The following GUCY2C variants were observed in gnomAD, a reference collection of about 807,000 sequenced individuals.
GUCY2C encodes the protein guanylate cyclase 2C.
A neutral mutation model predicts 131.1 loss-of-function variants in GUCY2C; 118 were observed. The ratio of observed to expected loss-of-function variants is 0.90; its 90% CI spans 0.78 to 1.05. GUCY2C has a LOEUF of 1.05. Ranked by LOEUF, GUCY2C falls within the 50% of genes least tolerant of loss-of-function variation. GUCY2C has a pLI of 0.00. For synonymous variants in GUCY2C, 452 were observed against 457.8 expected, an observed-to-expected ratio of 0.99 and a Z score of 0.16; for missense variants, 1,161 against 1,304.4, an observed-to-expected ratio of 0.89 and a Z score of 1.69.
intron 19 of GUCY2C, among the ~76,000 whole-genome samples, chr12:14,637,674 A>G (rs901823586): frequency 5.3e-5 from 8 of 152,166 alleles, no homozygotes; most frequent in Non-Finnish European, 7.4e-5. Context: ...GGCTCCAAGA[A>G]CATACAATGG....
At chr12:14,621,430 A>C (rs1037548964) in intron 22 of GUCY2C, among the ~76,000 whole-genome samples, 2 of 152,214 alleles carry the variant, frequency 1.3e-5, no homozygotes, top group Non-Finnish European at 2.9e-5. Context: ...ATAGCTATAA[A>C]GGAATTTAGC....
intron 7 of GUCY2C, among the ~76,000 whole-genome samples, chr12:14,675,708 A>G (rs1432005337): frequency 6.6e-6 from 1 of 152,190 alleles, no homozygotes; most frequent in African/African-American, 2.4e-5. Flanking sequence ...GGGCTGAGTG[A>G]TGAATTAAAA....
intron 10 of GUCY2C, among the ~76,000 whole-genome samples, chr12:14,662,469 G>A (rs1003189093): frequency 1.3e-5 from 2 of 152,082 alleles, no homozygotes; most frequent in Admixed American, 6.5e-5. Context: ...GAGGTCAGGA[G>A]ATCAAGACCA....
rs1947356728 is a variant in GUCY2C at position 14,639,849 on chromosome 12, A to C, written c.2157+13T>G. 5.5e-6 allele frequency: 8 copies of C among 1,459,224 alleles called. No individual in the cohort carries two copies. The highest frequency in any genetic ancestry group is 1.4e-5 in the African/African-American group (1 of 71,892). The allele number at this position is 1,459,224 out of a possible 1,614,324, so 90.4% of individuals were successfully genotyped here. ...AGCAGGCCAAGGAAATGAATACGGGAAGATATACTCACTTCTAGCTCTTTT... is the reference window on the plus strand; with the variant it reads ...AGCAGGCCAAGGAAATGAATACGGGCAGATATACTCACTTCTAGCTCTTTT... On this transcript the variant is annotated intron_variant, in intron 19 of 26. Coordinates refer to ENST00000261170, the MANE Select transcript of GUCY2C (RefSeq NM_004963.4).
At chr12:14,632,351 A>G (rs1270244483) in intron 19 of GUCY2C, among the ~76,000 whole-genome samples, 1 of 152,140 alleles carries the variant, frequency 6.6e-6, no homozygotes, top group Non-Finnish European at 1.5e-5. Context: ...TAGGGTTTTT[A>G]TGGTTTTAGG....
chr12:14,623,719 C>A (rs990010341), intron 21 of GUCY2C, among the ~76,000 whole-genome samples: 1 of 152,050 alleles, frequency 6.6e-6, no homozygotes, highest in South Asian at 2.1e-4. Context: ...GCAGATTTCC[C>A]CATTGCTGTT....
intron 15 of GUCY2C, among the ~76,000 whole-genome samples, chr12:14,648,151 G>C (rs1027658835): frequency 6.6e-6 from 1 of 151,670 alleles, no homozygotes; most frequent in Non-Finnish European, 1.5e-5. Flanking sequence ...TATTAGAGAC[G>C]GGGTTTCACT....
At chr12:14,693,890 T>A (rs1318476485) in intron 1 of GUCY2C, among the ~76,000 whole-genome samples, 6 of 152,248 alleles carry the variant, frequency 3.9e-5, no homozygotes, top group Non-Finnish European at 8.8e-5. Flanking sequence ...GGACCAAGGC[T>A]CTAACTAACA....
In GUCY2C at chr12:14,625,866, G is replaced by A. The variant is rs1327537007; in HGVS notation, c.2299C>T (p.Arg767Cys). 3 of 1,613,442 alleles carry A rather than the reference G, an allele frequency of 1.9e-6. No homozygotes were observed. The highest frequency in any genetic ancestry group is 1.7e-5 in the Admixed American group (1 of 60,004). ...NESYMDTLIRRLQLYSRNLEH... is the reference protein window; with the variant it reads ...NESYMDTLIRCLQLYSRNLEH... ...AGGTTTCGAGAATATAGCTGTAGAC[G>A]TCGGATCAAGGTATCCATATAGCTT... is the stretch of plus-strand genomic sequence containing the variant. Residue 767 changes from arginine (R) to cysteine (C), a missense_variant, in exon 21 of 27, where the codon CGT becomes TGT. Transcript: ENST00000261170.
intron 19 of GUCY2C, among the ~76,000 whole-genome samples, chr12:14,631,186 C>A (rs1298866171): frequency 1.3e-5 from 2 of 152,080 alleles, no homozygotes; most frequent in East Asian, 1.9e-4. Context: ...CCACAAGGAA[C>A]AAAAGATGTT....
chr12:14,678,603 G>C (rs1948286687), intron 6 of GUCY2C, among the ~76,000 whole-genome samples: 2 of 152,160 alleles, frequency 1.3e-5, no homozygotes, highest in South Asian at 4.1e-4. Context: ...CATCAAACAG[G>C]CCTGCAGTTC....
At chr12:14,617,027 C>T (rs1043752819) in intron 24 of GUCY2C, among the ~76,000 whole-genome samples, 1 of 152,076 alleles carries the variant, frequency 6.6e-6, no homozygotes, top group Non-Finnish European at 1.5e-5. Flanking sequence ...GCTGTCTTTG[C>T]GATACTGAGT....
intron 1 of GUCY2C, 72 bp from the exon 2 acceptor site, chr12:14,688,135 G>T: frequency 1.0e-6 from 1 of 955,378 alleles, no homozygotes. Context: ...CCATGAGATT[G>T]ATTCTGGGAA....
intron 19 of GUCY2C, among the ~76,000 whole-genome samples, chr12:14,635,783 A>AT (rs1437789676): frequency 1.2e-4 from 19 of 152,326 alleles, no homozygotes; most frequent in Middle Eastern, 3.4e-3. Flanking sequence ...ATAAAAACCA[A>AT]TTGCACAAAA....
At chr12:14,627,622 T>C (rs1195010872) in intron 20 of GUCY2C, among the ~76,000 whole-genome samples, 1 of 152,186 alleles carries the variant, frequency 6.6e-6, no homozygotes, top group East Asian at 1.9e-4. Flanking sequence ...AGTATCAGTA[T>C]TTTTAAAGTT....
chr12:14,674,689 A>G lies in GUCY2C; in HGVS notation c.1020T>C (p.Leu340=). The change falls in exon 8 of 27, where the codon CTT becomes CTC. Residue 340 remains leucine, a synonymous_variant. Coordinates refer to ENST00000261170, the MANE Select transcript of GUCY2C (RefSeq NM_004963.4). ...GGGTGGTAATATTTTCTCCATTTTC[A>G]AGAAATATCTTCAGCATATGTCCAA... is the stretch of plus-strand genomic sequence containing the variant. ...LLFGHMLKIF[L]ENGENITTPK... 1 of 1,612,484 alleles carries G rather than the reference A, an allele frequency of 6.2e-7. No individual in the cohort carries two copies. The highest frequency in any genetic ancestry group is 8.5e-7 in the Non-Finnish European group (1 of 1,178,668).
At chr12:14,684,088 GTCAA>G (rs980301167) in intron 3 of GUCY2C, among the ~76,000 whole-genome samples, 13 of 152,048 alleles carry the variant, frequency 8.5e-5, no homozygotes, top group Middle Eastern at 3.4e-3. Flanking sequence ...ATACACTGTG[GTCAA>G]TCATTCTTCT....
At chr12:14,634,429 GA>G (rs1947217713) in intron 19 of GUCY2C, among the ~76,000 whole-genome samples, 1 of 152,126 alleles carries the variant, frequency 6.6e-6, no homozygotes, top group Non-Finnish European at 1.5e-5. Context: ...CTACCACCAT[GA>G]AAACACATGA....
chr12:14,614,952 A>C lies in GUCY2C; in HGVS notation c.2971-9T>G. On this transcript the variant is annotated splice_polypyrimidine_tract_variant and intron_variant, in intron 25 of 26. Coordinates refer to ENST00000261170, the MANE Select transcript of GUCY2C (RefSeq NM_004963.4). ...GTCTCATTTCCTCTTCCCTGGTAAGACAAAAGAGTTACGTACCACGGAGTC... is the reference window on the plus strand; with the variant it reads ...GTCTCATTTCCTCTTCCCTGGTAAGCCAAAAGAGTTACGTACCACGGAGTC... 15 of 1,534,396 alleles carry C rather than the reference A, an allele frequency of 9.8e-6. No homozygotes were observed. The highest frequency in any genetic ancestry group is 1.2e-5 in the Non-Finnish European group (14 of 1,132,072).
Sources: gnomAD v4.1 joint callset for allele counts (sites outside exome capture counted in the v4.1 genomes callset) on GRCh38, gnomAD v4.1.1 for gene constraint, MANE v1.5 for transcripts, NCBI Gene and HGNC (gene_info 2026-07-23, HGNC 2026-07-21) for gene names.